The following MAGI2 variants were observed in gnomAD, a reference collection of about 807,000 sequenced individuals.
MAGI2 encodes membrane associated guanylate kinase, WW and PDZ domain containing 2.
Under a neutral mutation model 133.3 loss-of-function variants are expected in MAGI2, and 35 were observed. That is an observed-to-expected ratio of 0.26 (90% CI 0.20 to 0.35). The LOEUF is 0.35. Among genes scored for constraint, MAGI2 ranks in the 10% least tolerant of loss-of-function variants. MAGI2 has a pLI of 1.00. For synonymous variants in MAGI2, 729 were observed against 710.6 expected (o/e 1.03, Z -0.41); for missense variants, 1,636 against 1,863.4 (o/e 0.88, Z 2.25).
chr7:78,764,496 G>C (rs141277531), intron 2 of MAGI2, among the ~76,000 whole-genome samples: 1 of 152,200 alleles, frequency 6.6e-6, no homozygotes, highest in Non-Finnish European at 1.5e-5. Flanking sequence ...GGAAATGTGA[G>C]TAGTATCTTA....
intron 2 of MAGI2, among the ~76,000 whole-genome samples, chr7:78,744,297 T>G (rs906766785): frequency 6.6e-6 from 1 of 152,170 alleles, no homozygotes; most frequent in African/African-American, 2.4e-5. Flanking sequence ...TCATCCTTGT[T>G]TAGTATCATT....
At chr7:78,390,719 G>A (rs1239725792) in intron 6 of MAGI2, among the ~76,000 whole-genome samples, 1 of 152,114 alleles carries the variant, frequency 6.6e-6, no homozygotes, top group Non-Finnish European at 1.5e-5. Context: ...TGTTTCTACT[G>A]CAACACATTT....
chr7:78,208,525 G>A (rs1021074962), intron 10 of MAGI2, among the ~76,000 whole-genome samples: 7 of 152,038 alleles, frequency 4.6e-5, no homozygotes, highest in Non-Finnish European at 8.8e-5. Context: ...AACTACAAAG[G>A]GCTTTTTATT....
intron 1 of MAGI2, among the ~76,000 whole-genome samples, chr7:79,219,001 A>T (rs1830237694): frequency 6.6e-6 from 1 of 152,062 alleles, no homozygotes; most frequent in Non-Finnish European, 1.5e-5. Flanking sequence ...TAAGTAAAGA[A>T]CCCTAGGGAT....
intron 2 of MAGI2, among the ~76,000 whole-genome samples, chr7:78,990,362 T>C (rs1334443752): frequency 6.6e-6 from 1 of 152,074 alleles, no homozygotes; most frequent in East Asian, 1.9e-4. Context: ...TCTAATCAAG[T>C]TTAAGACCCT....
At chr7:78,119,535 T>TG (rs1489088511) in intron 20 of MAGI2, among the ~76,000 whole-genome samples, 1 of 114,556 alleles carries the variant, frequency 8.7e-6, no homozygotes, top group Non-Finnish European at 1.6e-5. Flanking sequence ...CACTCCTGCC[T>TG]GGGTGACAGA....
chr7:78,848,254 C>T (rs1792798155), intron 2 of MAGI2, among the ~76,000 whole-genome samples: 1 of 151,866 alleles, frequency 6.6e-6, no homozygotes, highest in Admixed American at 6.6e-5. Flanking sequence ...TGAGCCACTG[C>T]CGTCCACCTA....
intron 9 of MAGI2, among the ~76,000 whole-genome samples, chr7:78,261,699 A>G (rs189730843): frequency 1.3e-5 from 2 of 152,296 alleles, no homozygotes; most frequent in East Asian, 3.9e-4. Context: ...AAAACCTGAC[A>G]ACTCCCATCC....
chr7:78,281,702 AACTC>A (rs1367771901), intron 9 of MAGI2, among the ~76,000 whole-genome samples: 1 of 120,446 alleles, frequency 8.3e-6, no homozygotes, highest in African/African-American at 2.8e-5. Flanking sequence ...TTCATTTGTG[AACTC>A]ACTCTCTGTA....
intron 20 of MAGI2, among the ~76,000 whole-genome samples, chr7:78,102,673 C>T (rs1051348653): frequency 3.3e-5 from 5 of 152,196 alleles, no homozygotes; most frequent in Admixed American, 2.6e-4. Flanking sequence ...ATCTTAGGCT[C>T]ACCAAAAGGG....
intron 2 of MAGI2, among the ~76,000 whole-genome samples, chr7:78,868,922 T>G (rs919988016): frequency 6.6e-6 from 1 of 151,960 alleles, no homozygotes; most frequent in African/African-American, 2.4e-5. Context: ...CCCGGCTAAT[T>G]TTTTGTATTT....
At position 78,797,375 on chromosome 7, in the gene MAGI2, T is replaced by C. The variant is rs1583927031; in HGVS notation, c.419-170136A>G. Among the ~76,000 whole-genome samples, 4 of 152,116 alleles carry C rather than the reference T, an allele frequency of 2.6e-5. No individual in the cohort carries two copies. In the South Asian group the frequency reaches 8.3e-4, roughly 31 times the overall value. On this transcript the variant is annotated intron_variant, in intron 2 of 21. Transcript: ENST00000354212. ...TATTCTTTTTTCTTTTAATATATTA[T>C]GTGTGAGCTCTAGAAACCCTAAATT...
intron 1 of MAGI2, among the ~76,000 whole-genome samples, chr7:79,134,876 A>G (rs1379883341): frequency 6.6e-6 from 1 of 152,202 alleles, no homozygotes; most frequent in East Asian, 1.9e-4. Context: ...TTTTCAGATA[A>G]TAGATATGAT....
At chr7:78,140,573 T>C (rs12668675) in intron 16 of MAGI2, among the ~76,000 whole-genome samples, 59,767 of 152,150 alleles carry the variant, frequency 0.39, 11,914 homozygotes, top group African/African-American at 0.42. Flanking sequence ...TTAAACAACA[T>C]GTCATTAGCT....
intron 2 of MAGI2, among the ~76,000 whole-genome samples, chr7:78,919,908 C>T (rs548468111): frequency 6.6e-6 from 1 of 152,180 alleles, no homozygotes; most frequent in Admixed American, 6.6e-5. Flanking sequence ...GAAATGTTAG[C>T]CCCATGATTA....
chr7:78,557,739 A>T (rs1407019869), intron 3 of MAGI2, among the ~76,000 whole-genome samples: 1 of 152,216 alleles, frequency 6.6e-6, no homozygotes, highest in African/African-American at 2.4e-5. Context: ...CCAAGGAACA[A>T]GCAGTAATAA....
chr7:78,133,336 GA>G (rs945277533), intron 17 of MAGI2, among the ~76,000 whole-genome samples: 2 of 152,058 alleles, frequency 1.3e-5, no homozygotes, highest in East Asian at 1.9e-4. Flanking sequence ...ATAAAACTAT[GA>G]AAAAAATTAT....
intron 2 of MAGI2, among the ~76,000 whole-genome samples, chr7:78,853,332 CTTTTTTTTTTTTTTTTTT>C (rs60580466): frequency 1.8e-3 from 45 of 25,060 alleles, no homozygotes; most frequent in South Asian, 8.7e-3. Context: ...TCCATTCGTT[CTTTTTTTTTTTTTTTTTT>C]TTTTTTTTTT....
chr7:78,822,465 T>C (rs1197136626), intron 2 of MAGI2, among the ~76,000 whole-genome samples: 1 of 152,112 alleles, frequency 6.6e-6, no homozygotes, highest in East Asian at 1.9e-4. Flanking sequence ...TTTCAATTTG[T>C]TTTTTGTTAT....
Sources: allele counts gnomAD v4.1 joint callset (sites outside exome capture counted in the v4.1 genomes callset), GRCh38; gene constraint gnomAD v4.1.1; transcripts MANE v1.5; gene names NCBI Gene and HGNC (gene_info 2026-07-23, HGNC 2026-07-21).